MTHFD1L: variants seen among roughly 807,000 people sequenced by gnomAD.
MTHFD1L encodes monofunctional C1-tetrahydrofolate synthase, mitochondrial.
In MTHFD1L, 81 loss-of-function variants were observed where a neutral mutation model predicts 119.5. The observed-to-expected ratio is 0.68, with a 90% confidence interval of 0.57 to 0.82. MTHFD1L has a LOEUF of 0.82. Ranked by LOEUF, MTHFD1L falls within the 40% of genes least tolerant of loss-of-function variation. The pLI, the probability that MTHFD1L is intolerant of heterozygous loss-of-function variation, is 0.00. For synonymous variants in MTHFD1L, 430 were observed against 475.2 expected (o/e 0.90, Z 1.24); for missense variants, 1,125 against 1,253.4 (o/e 0.90, Z 1.55).
At chr6:150,868,608 A>AT (rs1778856327) in intron 1 of MTHFD1L, among the ~76,000 whole-genome samples, 1 of 152,112 alleles carries the variant, frequency 6.6e-6, no homozygotes, top group African/African-American at 2.4e-5. Flanking sequence ...AAGTGCTGGG[A>AT]TTACAGGTGT....
Position 150,875,775 on chromosome 6 carries a change from T to C in MTHFD1L, c.228-315T>C, listed in dbSNP as rs549834764. On this transcript the variant is annotated intron_variant, in intron 1 of 27. Transcript: ENST00000367321. ...GGTGGAGGAGAGCGATTATTTAAAG[T>C]AGAAACCCAAAGCTTTTATTATAGT... is the stretch of plus-strand genomic sequence containing the variant. Among the ~76,000 whole-genome samples the C allele has an allele frequency of 6.6e-5, 10 of 152,240 alleles. 1 individual carries two copies. The South Asian group carries it at 1.9e-3, about 28-fold the overall frequency.
rs1323982532 is a variant in MTHFD1L at position 150,936,862 on chromosome 6, G to A, written c.1315G>A (p.Ala439Thr). 1 of 1,614,052 alleles carries A rather than the reference G, an allele frequency of 6.2e-7. No individual in the cohort carries two copies. The highest frequency in any genetic ancestry group is 1.1e-5 in the South Asian group (1 of 91,084). The change falls in exon 12 of 28, where the codon GCT (alanine) becomes ACT (threonine). Residue 439 changes from alanine (A) to threonine (T), a missense_variant. By Grantham distance (58) the Ala-to-Thr change is moderately conservative (BLOSUM62 0). Transcript: ENST00000367321. ...CACAGTCACCATCGGGCTTGTGCAGGCTCTGACCGCACACCTGAATGTCAA... is the reference window on the plus strand; with the variant it reads ...CACAGTCACCATCGGGCTTGTGCAGACTCTGACCGCACACCTGAATGTCAA... ...KSTVTIGLVQ[A>T]LTAHLNVNSF...
intron 26 of MTHFD1L, among the ~76,000 whole-genome samples, chr6:151,090,239 C>T (rs114495035): frequency 0.018 from 2,707 of 152,272 alleles, 92 homozygotes; most frequent in African/African-American, 0.061. Context: ...GGGGTTAAAC[C>T]GGCTTTTCCC....
chr6:150,960,880 A>C (rs1047173957), intron 18 of MTHFD1L, among the ~76,000 whole-genome samples: 1 of 152,094 alleles, frequency 6.6e-6, no homozygotes, highest in Non-Finnish European at 1.5e-5. Context: ...TTATTATTTA[A>C]TTTGGGGCCT....
intron 1 of MTHFD1L, among the ~76,000 whole-genome samples, chr6:150,870,189 T>C (rs185567961): frequency 1.1e-4 from 16 of 152,314 alleles, no homozygotes; most frequent in African/African-American, 3.8e-4. Flanking sequence ...TCACATTCCT[T>C]CCCACTGTCC....
chr6:150,931,678 T>A (rs1791067016), intron 11 of MTHFD1L, among the ~76,000 whole-genome samples: 1 of 152,238 alleles, frequency 6.6e-6, no homozygotes, highest in Admixed American at 6.5e-5. Context: ...CCATGGCTAA[T>A]GGCAGTGGTG....
rs200934535 is a variant in MTHFD1L, at chr6:150,891,275, C to T, written c.780+3294C>T. 1.8e-3 allele frequency among the ~76,000 whole-genome samples: 276 copies of T among 152,082 alleles called. 2 individuals are homozygous for T. Among genetic ancestry groups the T allele is most frequent in the African/African-American group, 6.2e-3 (257 of 41,462 alleles). ...TGCTGAGATTACAGGCATGAGCTAC[C>T]GCGCCCGGGCTGGAAGAATTTTTTA... On this transcript the variant is annotated intron_variant, in intron 7 of 27. Transcript: ENST00000367321.
intron 15 of MTHFD1L, among the ~76,000 whole-genome samples, chr6:150,948,164 C>T (rs1465122458): frequency 2.7e-5 from 4 of 150,204 alleles, no homozygotes; most frequent in Non-Finnish European, 5.9e-5. Context: ...TGTGCCACCA[C>T]GCCAGGCTAA....
chr6:150,914,486 C>T (rs1024409425), intron 8 of MTHFD1L, among the ~76,000 whole-genome samples: 1 of 151,924 alleles, frequency 6.6e-6, no homozygotes, highest in Admixed American at 6.6e-5. Context: ...AGTGAGACCC[C>T]GTCTCTATAA....
chr6:150,971,935 T>C lies in MTHFD1L; in HGVS notation c.2014-12T>C, dbSNP rs1388372277. ...TCTTTTGGGATTTTGATTTGCTTTT[T>C]CACTTCTCTAGGGGACACCTGTGTT... On this transcript the variant is annotated splice_polypyrimidine_tract_variant and intron_variant, in intron 19 of 27. Transcript: ENST00000367321. The C allele has an allele frequency of 2.5e-6, 4 of 1,608,332 alleles. No individual in the cohort carries two copies. The South Asian group carries it at 3.4e-5, about 14-fold the overall frequency.
intron 4 of MTHFD1L, among the ~76,000 whole-genome samples, chr6:150,879,917 C>G (rs993903644): frequency 6.6e-6 from 1 of 152,194 alleles, no homozygotes; most frequent in African/African-American, 2.4e-5. Flanking sequence ...GTATGAGCCA[C>G]CTCACCTGGC....
At chr6:150,866,146 G>C in intron 1 of MTHFD1L, 97 bp downstream of exon 1, 2 of 1,413,010 alleles carry the variant, frequency 1.4e-6, no homozygotes, top group Non-Finnish European at 1.8e-6. Flanking sequence ...CGGGGCGCGG[G>C]GCTGCGAGTG....
At chr6:150,917,325 C>T (rs961452668) in intron 8 of MTHFD1L, among the ~76,000 whole-genome samples, 2 of 152,064 alleles carry the variant, frequency 1.3e-5, no homozygotes, top group East Asian at 2.0e-4. Flanking sequence ...GAGTTTGAGA[C>T]CAGCCTGGCC....
At chr6:151,098,090 C>T (rs1054835727) in intron 27 of MTHFD1L, among the ~76,000 whole-genome samples, 1 of 152,142 alleles carries the variant, frequency 6.6e-6, no homozygotes, top group Admixed American at 6.5e-5. Context: ...AGGCAAATCT[C>T]TTGAACCCAG....
At chr6:150,968,704 T>C (rs555342) in intron 19 of MTHFD1L, among the ~76,000 whole-genome samples, 75,707 of 151,036 alleles carry the variant, frequency 0.5, 20,117 homozygotes, top group African/African-American at 0.65. Flanking sequence ...TAAGTAGAGA[T>C]GGGGTTTCAC....
chr6:150,923,846 A>G (rs9478859), intron 10 of MTHFD1L, among the ~76,000 whole-genome samples: 13,494 of 152,008 alleles, frequency 0.089, 846 homozygotes, highest in African/African-American at 0.17. Flanking sequence ...CATTAATTAT[A>G]TAAGTTGCAA....
At chr6:151,057,823 G>A (rs1320109010) in intron 26 of MTHFD1L, among the ~76,000 whole-genome samples, 1 of 152,184 alleles carries the variant, frequency 6.6e-6, no homozygotes, top group Non-Finnish European at 1.5e-5. Flanking sequence ...CTGTGGCCCA[G>A]GCTGGAGTGC....
chr6:150,958,574 C>A (rs892328687), intron 17 of MTHFD1L, among the ~76,000 whole-genome samples: 3 of 152,068 alleles, frequency 2.0e-5, no homozygotes, highest in African/African-American at 4.8e-5. Flanking sequence ...TAAATGTGTG[C>A]TAAATCCCTC....
intron 24 of MTHFD1L, among the ~76,000 whole-genome samples, chr6:151,028,699 A>G (rs1478764833): frequency 6.6e-6 from 1 of 152,182 alleles, no homozygotes; most frequent in Non-Finnish European, 1.5e-5. Flanking sequence ...CAGTTTTGCT[A>G]AATACAGAGA....
Sources: gnomAD v4.1 joint callset for allele counts (sites outside exome capture counted in the v4.1 genomes callset) on GRCh38, gnomAD v4.1.1 for gene constraint, MANE v1.5 for transcripts, NCBI Gene and HGNC (gene_info 2026-07-23, HGNC 2026-07-21) for gene names.